Variants in STK36 observed in about 807,000 individuals in gnomAD.
STK36 encodes serine/threonine kinase 36.
A neutral mutation model predicts 142.2 loss-of-function variants in STK36; 116 were observed. The ratio of observed to expected loss-of-function variants is 0.82; its 90% confidence interval spans 0.70 to 0.95. STK36 has a LOEUF of 0.95. Ranked by LOEUF, STK36 falls within the 40% of genes least tolerant of loss-of-function variation. The pLI is 0.00. For missense variants in STK36, 1,422 were observed against 1,617.2 expected (o/e 0.88, Z 2.07); for synonymous variants, 619 against 641.7 (o/e 0.96, Z 0.53).
In STK36 at chr2:218,697,526, G is replaced by C. The variant is rs1941281808; in HGVS notation, c.2825G>C (p.Ser942Thr). The stretch of plus-strand genomic sequence containing the variant: ...ACCCAGGAGCCCCAGTTATGCCTGA[G>C]CTGCCTGTCCCAGCATGGAAGTATC... The part of the protein sequence containing the change: ...TFTQEPQLCL[S>T]CLSQHGSILM... The change falls in exon 24 of 27, where the codon AGC (serine) becomes ACC (threonine). Residue 942 changes from serine to threonine, a missense_variant. Physicochemically the swap from Ser to Thr is moderately conservative, Grantham distance 58. Coordinates refer to ENST00000295709, the MANE Select transcript of STK36 (RefSeq NM_015690.5). 1 of 1,614,100 alleles carries C rather than the reference G, an allele frequency of 6.2e-7. No individual in the cohort carries two copies. The highest frequency in any genetic ancestry group is 1.3e-5 in the African/African-American group (1 of 74,932).
intron 14 of STK36, among the ~76,000 whole-genome samples, chr2:218,691,629 C>G (rs1941001421): frequency 6.6e-6 from 1 of 152,040 alleles, no homozygotes; most frequent in African/African-American, 2.4e-5. Flanking sequence ...GATCTTGACT[C>G]ACTGCAACCT....
At chr2:218,677,284 A>G (rs1940299400) in intron 6 of STK36, among the ~76,000 whole-genome samples, 1 of 152,220 alleles carries the variant, frequency 6.6e-6, no homozygotes, top group East Asian at 1.9e-4. Context: ...ATTCACTATC[A>G]TGAGAACAGC....
intron 11 of STK36, 61 bp from the exon 12 acceptor site, chr2:218,688,636 A>G: frequency 6.4e-7 from 1 of 1,559,552 alleles, no homozygotes; most frequent in Non-Finnish European, 8.7e-7. Flanking sequence ...TGGTATGTGT[A>G]GTTCTCCTTC....
rs181189808 is a variant in STK36, at chr2:218,678,123, T to A, written c.685-1045T>A. 5.1e-3 allele frequency among the ~76,000 whole-genome samples: 780 copies of A among 152,188 alleles called. 4 individuals are homozygous for A. The highest frequency in any genetic ancestry group is 0.01 in the African/African-American group (428 of 41,536). ...CTTTTTTAATTAATTAAATTTTTTT[T>A]AAAATTTTTTAGAGACAGGGTCTCA... is the stretch of plus-strand genomic sequence containing the variant. On this transcript the variant is annotated intron_variant, in intron 6 of 26. Coordinates refer to ENST00000295709, the MANE Select transcript of STK36 (RefSeq NM_015690.5).
At chr2:218,693,630 T>G in intron 17 of STK36, 93 bp from the exon 18 acceptor site, 6 of 1,221,602 alleles carry the variant, frequency 4.9e-6, no homozygotes, top group Non-Finnish European at 7.0e-6. Flanking sequence ...TACCAGATCT[T>G]TTGAGGGGCT....
Position 218,679,613 on chromosome 2 carries a change from C to T in STK36, c.832C>T (p.Pro278Ser), listed in dbSNP as rs1458268192. The T allele has an allele frequency of 3.1e-6, 5 of 1,614,128 alleles. No individual in the cohort carries two copies. The highest frequency in any genetic ancestry group is 3.4e-6 in the Non-Finnish European group (4 of 1,180,004). ...DLGTPFTSRLPPELQVLKDEQ... is the reference protein window; with the variant it reads ...DLGTPFTSRLSPELQVLKDEQ... ...GGGGACCCCATTCACCAGCCGCCTA[C>T]CCCCAGAACTTCAGGTCCTAAAGGA... Residue 278 changes from proline (P) to serine (S), a missense_variant, in exon 8 of 27, where the codon CCC (proline) becomes TCC (serine). Pro to Ser is a moderately conservative substitution (Grantham distance 74). Transcript: ENST00000295709.
In STK36 at chr2:218,698,600, A is replaced by G. The variant is rs1941322851; in HGVS notation, c.3058-2A>G. 1 of 1,612,730 alleles carries G rather than the reference A, an allele frequency of 6.2e-7. No homozygotes were observed. The highest frequency in any genetic ancestry group is 1.1e-5 in the South Asian group (1 of 90,912). On this transcript the variant is annotated splice_acceptor_variant, in intron 25 of 26. Coordinates refer to ENST00000295709, the MANE Select transcript of STK36 (RefSeq NM_015690.5). LOFTEE classifies it high-confidence loss of function. Reference sequence around the variant, plus strand: ...GAATCCTTTTACCTCCTGTTCTCTCAGGTCTGCTGCTACCATCTTCCGTTG... The same window carrying G: ...GAATCCTTTTACCTCCTGTTCTCTCGGGTCTGCTGCTACCATCTTCCGTTG...
In STK36 at chr2:218,694,445, C is replaced by A; in HGVS notation, c.2401-80C>A. On this transcript the variant is annotated intron_variant, in intron 20 of 26. Transcript: ENST00000295709. The surrounding 1 kb of genome is among the most constrained non-coding windows in gnomAD (Gnocchi z 4.4). ...CTGGAGGCATTCTTTTGGACCAGGACAGAGACATAAATCCTCTCTGCCTGT... is the reference window on the plus strand; with the variant it reads ...CTGGAGGCATTCTTTTGGACCAGGAAAGAGACATAAATCCTCTCTGCCTGT... 6.5e-7 allele frequency: 1 copy of A among 1,532,222 alleles called. No homozygotes were observed. The highest frequency in any genetic ancestry group is 2.3e-5 in the East Asian group (1 of 44,412). The allele number at this position is 1,532,222 out of a possible 1,614,324, so 94.9% of individuals were successfully genotyped here. A position where few individuals can be genotyped will look rare whatever the true frequency, so the allele number is the denominator to read the frequency against.
chr2:218,674,992 G>A (rs1022575656), intron 4 of STK36, among the ~76,000 whole-genome samples: 1 of 152,150 alleles, frequency 6.6e-6, no homozygotes, highest in Admixed American at 6.6e-5. Context: ...AATGTGTATT[G>A]AATATTTACT....
chr2:218,675,409 C>A lies in STK36; in HGVS notation c.370C>A (p.Arg124=). 6.2e-7 allele frequency: 1 copy of A among 1,613,852 alleles called. No individual in the cohort carries two copies. The highest frequency in any genetic ancestry group is 8.5e-7 in the Non-Finnish European group (1 of 1,179,978). Residue 124 remains arginine (R), a synonymous_variant, in exon 5 of 27, where the codon CGA becomes AGA. Coordinates refer to ENST00000295709, the MANE Select transcript of STK36 (RefSeq NM_015690.5). ...TCTGCATTCCCACCGCATCCTACAC[C>A]GAGATATGAAGCCTCAGAACATCCT... ...YYLHSHRILH[R]DMKPQNILLA... is the part of the protein sequence containing the mutation.
chr2:218,672,304 TGG>T lies in STK36; in HGVS notation c.-90+92_-90+93del, dbSNP rs573916580. 266 of 419,642 alleles carry T rather than the reference TGG, an allele frequency of 6.3e-4. 1 individual carries two copies. The highest frequency in any genetic ancestry group is 1.0e-3 in the Non-Finnish European group (234 of 228,558). The allele number at this position is 419,642 out of a possible 1,614,324, so 26.0% of individuals were successfully genotyped here. A position where few individuals can be genotyped will look rare whatever the true frequency, so the allele number is the denominator to read the frequency against. ...AACGTATGCAGGCAGCCAGAAGAGATGGGGCTAAACGCCAGGGAATCCGTCCC... is the reference window on the plus strand; with the variant it reads ...AACGTATGCAGGCAGCCAGAAGAGATGGCTAAACGCCAGGGAATCCGTCCC... On this transcript the variant is annotated intron_variant, in intron 1 of 26. Coordinates refer to ENST00000295709, the MANE Select transcript of STK36 (RefSeq NM_015690.5).
intron 23 of STK36, 52 bp from the exon 24 acceptor site, chr2:218,697,411 G>T: frequency 1.2e-6 from 2 of 1,600,280 alleles, no homozygotes; most frequent in Non-Finnish European, 1.7e-6. Context: ...GGAAGCAGGG[G>T]TATCTGGGCG....
In STK36 at chr2:218,697,584, C is replaced by T; in HGVS notation, c.2883C>T (p.Pro961=). 1.9e-6 allele frequency: 3 copies of T among 1,614,232 alleles called. No homozygotes were observed. Among genetic ancestry groups the T allele is most frequent in the Non-Finnish European group, 2.5e-6 (3 of 1,180,040 alleles). Reference sequence around the variant, plus strand: ...CCATCCTGAAGCATCTGCTTTGCCCCAGCTTCCTGAATCAACTGCGCCAGG... The same window carrying T: ...CCATCCTGAAGCATCTGCTTTGCCCTAGCTTCCTGAATCAACTGCGCCAGG... ...LMSILKHLLC[P]SFLNQLRQAP... is the part of the protein sequence containing the mutation. The change falls in exon 24 of 27, where the codon CCC becomes CCT. Residue 961 remains proline (P), a synonymous_variant. Coordinates refer to ENST00000295709, the MANE Select transcript of STK36 (RefSeq NM_015690.5).
At position 218,672,086 on chromosome 2, in the gene STK36, A is replaced by T. The variant is rs575171042; in HGVS notation, c.-219A>T. 7.4e-7 allele frequency: 1 copy of T among 1,359,828 alleles called. No homozygotes were observed. The highest frequency in any genetic ancestry group is 1.2e-5 in the South Asian group (1 of 81,394). The allele number at this position is 1,359,828 out of a possible 1,614,324, so 84.2% of individuals were successfully genotyped here. Reference sequence around the variant, plus strand: ...AGGCAACCGCAGACTCCGGGTCCTTAGCCGGGCCTGATGGCCCTGAGGCAG... The same window carrying T: ...AGGCAACCGCAGACTCCGGGTCCTTTGCCGGGCCTGATGGCCCTGAGGCAG... On this transcript the variant is annotated 5_prime_UTR_variant, in exon 1 of 27. Transcript: ENST00000295709.
chr2:218,672,506 G>A, intron 1 of STK36: 1 of 354,472 alleles, frequency 2.8e-6, no homozygotes, highest in South Asian at 2.7e-5. Context: ...AAAGAGTAGG[G>A]TCGAGTGAGC....
intron 6 of STK36, among the ~76,000 whole-genome samples, chr2:218,677,162 A>G (rs1940292018): frequency 6.8e-6 from 1 of 146,608 alleles, no homozygotes; most frequent in African/African-American, 2.6e-5. Flanking sequence ...CGAACTCCCA[A>G]CCTCAGGTGA....
chr2:218,688,253 T>C (rs758261625), intron 11 of STK36: 9 of 422,002 alleles, frequency 2.1e-5, no homozygotes, highest in Non-Finnish European at 3.3e-5. Flanking sequence ...GGATTTGACC[T>C]GTGAGCCATA....
At position 218,696,618 on chromosome 2, in the gene STK36, G is replaced by C. The variant is rs1375813976; in HGVS notation, c.2586+17G>C. 7 of 1,613,004 alleles carry C rather than the reference G, an allele frequency of 4.3e-6. No homozygotes were observed. Among genetic ancestry groups the C allele is most frequent in the Non-Finnish European group, 5.9e-6 (7 of 1,179,036 alleles). ...CTCACTGAGGTACAGATGGATCTTG[G>C]GATGGATGGGAAGTAAAGAGAGAGG... On this transcript the variant is annotated intron_variant, in intron 22 of 26. Coordinates refer to ENST00000295709, the MANE Select transcript of STK36 (RefSeq NM_015690.5).
chr2:218,673,004 T>C lies in STK36; in HGVS notation c.84+91T>C, dbSNP rs916615125. ...TCTAGAAGGAATGTATTTATACCAGTTTGTATTCCTAAGGTACTGACTCCC... is the reference window on the plus strand; with the variant it reads ...TCTAGAAGGAATGTATTTATACCAGCTTGTATTCCTAAGGTACTGACTCCC... On this transcript the variant is annotated intron_variant, in intron 2 of 26. Transcript: ENST00000295709. The C allele has an allele frequency of 3.4e-6, 4 of 1,182,596 alleles. No individual in the cohort carries two copies. The African/African-American group carries it at 6.0e-5, about 18-fold the overall frequency. 73.3% of individuals were successfully genotyped at this position (1,182,596 alleles called of 1,614,324 possible). A position where few individuals can be genotyped will look rare whatever the true frequency, so the allele number is the denominator to read the frequency against.
Sources: allele counts gnomAD v4.1 joint callset (sites outside exome capture counted in the v4.1 genomes callset), GRCh38; gene constraint gnomAD v4.1.1; non-coding constraint Gnocchi (gnomAD v3.1); transcripts MANE v1.5; gene names NCBI Gene and HGNC (gene_info 2026-07-23, HGNC 2026-07-21).